Variants in IQCM observed in about 807,000 individuals in gnomAD.
IQCM encodes the protein IQ motif containing M, also known as IQ domain-containing protein M.
A neutral mutation model predicts 57.6 loss-of-function variants in IQCM; 45 were observed. The observed-to-expected ratio is 0.78, with a 90% CI of 0.62 to 1.00. The LOEUF is 1.00. IQCM is among the 50% of genes least tolerant of loss of function. The probability of loss-of-function intolerance (pLI) is 0.00; values close to 1 mark genes in which losing one functional copy is unlikely to be tolerated. For missense variants in IQCM, 468 were observed against 511.6 expected (o/e 0.91, Z 0.82); for synonymous variants, 148 against 158.9 (o/e 0.93, Z 0.51).
intron 13 of IQCM, among the ~76,000 whole-genome samples, chr4:149,379,977 C>T (rs190516592): frequency 9.3e-4 from 142 of 152,222 alleles, no homozygotes; most frequent in Non-Finnish European, 1.7e-3. Flanking sequence ...CTCATGAGAT[C>T]TGATGGTTTT....
intron 13 of IQCM, among the ~76,000 whole-genome samples, chr4:149,417,478 C>T (rs1395185778): frequency 1.3e-5 from 2 of 152,112 alleles, no homozygotes; most frequent in African/African-American, 4.8e-5. Flanking sequence ...GGAACTAATC[C>T]TACCTGAACA....
intron 12 of IQCM, among the ~76,000 whole-genome samples, chr4:149,515,283 A>G (rs940195425): frequency 6.6e-6 from 1 of 152,068 alleles, no homozygotes; most frequent in African/African-American, 2.4e-5. Context: ...TGCGACCTGA[A>G]TTGCCCATCA....
intron 5 of IQCM, among the ~76,000 whole-genome samples, chr4:149,712,887 C>T (rs762728594): frequency 3.9e-5 from 6 of 152,106 alleles, no homozygotes; most frequent in Non-Finnish European, 7.4e-5. Context: ...AACTTGCCCT[C>T]ATATGTTCTG....
At chr4:149,732,070 T>A (rs1281330608) in intron 5 of IQCM, among the ~76,000 whole-genome samples, 1 of 152,172 alleles carries the variant, frequency 6.6e-6, no homozygotes, top group Non-Finnish European at 1.5e-5. Context: ...TCTCTACAGT[T>A]TCTGCTGCCA....
At chr4:149,413,124 A>G (rs892339841) in intron 13 of IQCM, among the ~76,000 whole-genome samples, 1 of 152,240 alleles carries the variant, frequency 6.6e-6, no homozygotes, top group African/African-American at 2.4e-5. Context: ...AATTTCAAAA[A>G]TACAAGATAA....
intron 2 of IQCM, among the ~76,000 whole-genome samples, chr4:149,747,640 AAT>A (rs2149924780): frequency 6.6e-6 from 1 of 152,334 alleles, no homozygotes; most frequent in South Asian, 2.1e-4. Context: ...AGAAATTTAT[AAT>A]TACATAATTA....
intron 2 of IQCM, among the ~76,000 whole-genome samples, chr4:149,797,212 A>G (rs1327621234): frequency 6.6e-6 from 1 of 152,128 alleles, no homozygotes; most frequent in Non-Finnish European, 1.5e-5. Flanking sequence ...AAATTTAACA[A>G]AAAGATTTAA....
At chr4:149,457,981 T>G (rs979706924) in intron 12 of IQCM, among the ~76,000 whole-genome samples, 1 of 151,930 alleles carries the variant, frequency 6.6e-6, no homozygotes. Flanking sequence ...AGAGGGGTGA[T>G]GCTTTGTTGA....
chr4:149,683,251 T>C (rs532530639), intron 6 of IQCM, among the ~76,000 whole-genome samples: 126 of 151,240 alleles, frequency 8.3e-4, no homozygotes, highest in Non-Finnish European at 2.5e-4. Context: ...TGAAAATCTT[T>C]GAACATTTAT....
intron 8 of IQCM, among the ~76,000 whole-genome samples, chr4:149,606,457 C>A (rs1754791176): frequency 6.6e-6 from 1 of 152,104 alleles, no homozygotes; most frequent in South Asian, 2.1e-4. Flanking sequence ...CAAGCCCAAA[C>A]CACAAAGGTT....
chr4:149,573,769 CAA>C (rs11289641), intron 9 of IQCM, among the ~76,000 whole-genome samples: 3,768 of 139,966 alleles, frequency 0.027, 68 homozygotes, highest in Middle Eastern at 0.069. Flanking sequence ...GACCCTGGCT[CAA>C]AAAAAAAAAA....
intron 7 of IQCM, among the ~76,000 whole-genome samples, chr4:149,624,767 G>C (rs1301237336): frequency 6.6e-6 from 1 of 152,126 alleles, no homozygotes. Context: ...AAAATATACT[G>C]TTTTGGTCAA....
At chr4:149,578,738 A>G (rs1015011202) in intron 9 of IQCM, among the ~76,000 whole-genome samples, 1 of 151,912 alleles carries the variant, frequency 6.6e-6, no homozygotes, top group Non-Finnish European at 1.5e-5. Context: ...ATCAATTTCT[A>G]ATATTATACT....
At chr4:149,468,846 T>A (rs1426062650) in intron 12 of IQCM, among the ~76,000 whole-genome samples, 1 of 152,186 alleles carries the variant, frequency 6.6e-6, no homozygotes, top group South Asian at 2.1e-4. Context: ...CCTCTGCTGG[T>A]GATACCCAGG....
chr4:149,614,455 T>C (rs777292919), intron 8 of IQCM, among the ~76,000 whole-genome samples: 8 of 152,168 alleles, frequency 5.3e-5, no homozygotes, highest in Admixed American at 5.2e-4. Flanking sequence ...ACACTGAATT[T>C]CTTTCAGTCT....
At chr4:149,420,066 T>C (rs1470381594) in intron 13 of IQCM, among the ~76,000 whole-genome samples, 1 of 152,094 alleles carries the variant, frequency 6.6e-6, no homozygotes, top group Non-Finnish European at 1.5e-5. Flanking sequence ...AGTTCAACCA[T>C]TGTGAAAGAT....
At chr4:149,506,855 A>G (rs1372729080) in intron 12 of IQCM, among the ~76,000 whole-genome samples, 1 of 152,110 alleles carries the variant, frequency 6.6e-6, no homozygotes, top group Non-Finnish European at 1.5e-5. Context: ...AAGCAGCAAG[A>G]GTGTGAGGGG....
intron 5 of IQCM, among the ~76,000 whole-genome samples, chr4:149,721,019 A>T (rs556399340): frequency 2.2e-3 from 333 of 152,246 alleles, no homozygotes; most frequent in African/African-American, 7.8e-3. Context: ...ATGAGTAAAA[A>T]CATTTTAGCA....
intron 5 of IQCM, among the ~76,000 whole-genome samples, chr4:149,719,820 C>T (rs1561196425): frequency 6.6e-6 from 1 of 152,154 alleles, no homozygotes; most frequent in Non-Finnish European, 1.5e-5. Flanking sequence ...TGACAGGTGA[C>T]ATAACAGTCC....
Sources: gnomAD v4.1 joint callset for allele counts (sites outside exome capture counted in the v4.1 genomes callset) on GRCh38, gnomAD v4.1.1 for gene constraint, MANE v1.5 for transcripts, NCBI Gene and HGNC (gene_info 2026-07-23, HGNC 2026-07-21) for gene names.